PXDNL: variants seen among roughly 807,000 people sequenced by gnomAD.
PXDNL encodes the protein probable oxidoreductase PXDNL.
PXDNL carries 145 observed loss-of-function variants against 150.8 expected under a neutral mutation model. That is an observed-to-expected ratio of 0.96 (90% CI 0.84 to 1.10). PXDNL has a LOEUF of 1.10. PXDNL is among the 50% of genes least tolerant of loss of function. PXDNL has a pLI of 0.00. For missense variants in PXDNL, 2,087 were observed against 1,873.9 expected (o/e 1.11, Z -2.10); for synonymous variants, 757 against 725.7 (o/e 1.04, Z -0.69).
intron 1 of PXDNL, among the ~76,000 whole-genome samples, chr8:51,661,647 G>C (rs959778220): frequency 3.9e-5 from 6 of 152,070 alleles, no homozygotes; most frequent in Non-Finnish European, 5.9e-5. Context: ...CCCCACAATT[G>C]TGTGAGCCAA....
At chr8:51,619,936 AT>A (rs1183682462) in intron 2 of PXDNL, among the ~76,000 whole-genome samples, 2 of 152,072 alleles carry the variant, frequency 1.3e-5, no homozygotes, top group African/African-American at 4.8e-5. Context: ...GTTTCTCTAT[AT>A]TTGGAGGCCT....
intron 13 of PXDNL, among the ~76,000 whole-genome samples, chr8:51,425,841 A>G (rs1279471447): frequency 6.6e-6 from 1 of 152,242 alleles, no homozygotes; most frequent in Non-Finnish European, 1.5e-5. Flanking sequence ...AAACAAAAAA[A>G]TTCAGACTAC....
At position 51,645,780 on chromosome 8, in the gene PXDNL, T is replaced by G. The variant is rs138523027; in HGVS notation, c.236+8909A>C. On this transcript the variant is annotated intron_variant, in intron 2 of 22. Coordinates refer to ENST00000356297, the MANE Select transcript of PXDNL (RefSeq NM_144651.5). ...ATCAAAAGTTTGATTTTATAAATAC[T>G]GAGCTCGGGATGCTGACAGGCCTCA... Among the ~76,000 whole-genome samples, 3 of 152,286 alleles carry G rather than the reference T, an allele frequency of 2.0e-5. No homozygotes were observed. In the East Asian group the frequency reaches 5.8e-4, roughly 29 times the overall value.
At chr8:51,765,183 A>C (rs1449181630) in intron 1 of PXDNL, among the ~76,000 whole-genome samples, 2 of 152,148 alleles carry the variant, frequency 1.3e-5, no homozygotes, top group African/African-American at 4.8e-5. Flanking sequence ...TGTAGCTCCC[A>C]TAATTCCCAC....
At chr8:51,745,689 C>A (rs972970414) in intron 1 of PXDNL, among the ~76,000 whole-genome samples, 8 of 152,094 alleles carry the variant, frequency 5.3e-5, no homozygotes, top group African/African-American at 1.9e-4. Context: ...GAGGCACAGG[C>A]ACCCTGAGGT....
At chr8:51,506,369 C>A (rs771159309) in intron 4 of PXDNL, among the ~76,000 whole-genome samples, 5 of 151,770 alleles carry the variant, frequency 3.3e-5, no homozygotes, top group African/African-American at 1.2e-4. Flanking sequence ...GGTGAAACCC[C>A]GTCTCTACTA....
intron 2 of PXDNL, among the ~76,000 whole-genome samples, chr8:51,640,894 C>A (rs1563492327): frequency 6.6e-6 from 1 of 151,988 alleles, no homozygotes; most frequent in Non-Finnish European, 1.5e-5. Context: ...CCCGCATCGC[C>A]AAGTCAATCC....
intron 1 of PXDNL, among the ~76,000 whole-genome samples, chr8:51,806,271 C>T (rs569395834): frequency 6.7e-4 from 102 of 152,142 alleles, no homozygotes; most frequent in Non-Finnish European, 1.1e-3. Flanking sequence ...AATTTTAACA[C>T]TACTACTAAT....
chr8:51,513,502 A>G (rs1009447478), intron 4 of PXDNL, among the ~76,000 whole-genome samples: 1 of 152,376 alleles, frequency 6.6e-6, no homozygotes, highest in East Asian at 1.9e-4. Flanking sequence ...ACTTCAGACA[A>G]GCATGGCATT....
At chr8:51,678,678 G>C (rs1156437424) in intron 1 of PXDNL, among the ~76,000 whole-genome samples, 2 of 151,090 alleles carry the variant, frequency 1.3e-5, no homozygotes, top group Admixed American at 6.6e-5. Flanking sequence ...GAGAACACAT[G>C]GACACAGGAA....
At chr8:51,573,877 T>C (rs1048485684) in intron 3 of PXDNL, among the ~76,000 whole-genome samples, 5 of 152,042 alleles carry the variant, frequency 3.3e-5, no homozygotes, top group African/African-American at 9.7e-5. Flanking sequence ...TCTAATTTTA[T>C]AAAATTAACA....
chr8:51,762,458 T>C (rs940354941), intron 1 of PXDNL, among the ~76,000 whole-genome samples: 1 of 152,200 alleles, frequency 6.6e-6, no homozygotes, highest in African/African-American at 2.4e-5. Flanking sequence ...CCTGCTGCTC[T>C]CTCTGAAGTC....
chr8:51,352,117 CT>C (rs2130722510), intron 19 of PXDNL, among the ~76,000 whole-genome samples: 1 of 152,056 alleles, frequency 6.6e-6, no homozygotes, highest in East Asian at 1.9e-4. Flanking sequence ...GCACACTGCC[CT>C]CGACTTACTC....
chr8:51,346,687 C>T (rs941843951), intron 19 of PXDNL, among the ~76,000 whole-genome samples: 16 of 151,994 alleles, frequency 1.1e-4, no homozygotes, highest in Admixed American at 2.6e-4. Flanking sequence ...GGAGATCTGT[C>T]GTTTACAAGT....
At chr8:51,597,057 A>C (rs1254084949) in intron 2 of PXDNL, among the ~76,000 whole-genome samples, 8 of 152,178 alleles carry the variant, frequency 5.3e-5, no homozygotes, top group African/African-American at 1.9e-4. Context: ...TCAAATATTT[A>C]ATCCATCTTG....
chr8:51,665,256 C>A (rs747633915), intron 1 of PXDNL, among the ~76,000 whole-genome samples: 1 of 152,162 alleles, frequency 6.6e-6, no homozygotes, highest in Non-Finnish European at 1.5e-5. Context: ...GGAAAGCGAA[C>A]CCGCGGTGGG....
At chr8:51,805,173 G>A (rs2037662152) in intron 1 of PXDNL, among the ~76,000 whole-genome samples, 1 of 151,776 alleles carries the variant, frequency 6.6e-6, no homozygotes, top group African/African-American at 2.4e-5. Flanking sequence ...GCCAGGTGGG[G>A]GAAGGTCCAA....
At chr8:51,750,138 T>G (rs893218407) in intron 1 of PXDNL, among the ~76,000 whole-genome samples, 3 of 152,232 alleles carry the variant, frequency 2.0e-5, no homozygotes, top group Non-Finnish European at 2.9e-5. Context: ...ACAAATACAT[T>G]GTACAGCTGT....
At chr8:51,634,471 T>G (rs1368779656) in intron 2 of PXDNL, among the ~76,000 whole-genome samples, 2 of 152,174 alleles carry the variant, frequency 1.3e-5, no homozygotes, top group African/African-American at 4.8e-5. Flanking sequence ...GGCTGTCATT[T>G]GGTTCCGTAT....
Sources: allele counts gnomAD v4.1 joint callset (sites outside exome capture counted in the v4.1 genomes callset), GRCh38; gene constraint gnomAD v4.1.1; transcripts MANE v1.5; gene names NCBI Gene and HGNC (gene_info 2026-07-23, HGNC 2026-07-21).